GOLGA3: variants seen among roughly 807,000 people sequenced by gnomAD.
GOLGA3 encodes the protein golgin A3, also known as golgin subfamily A member 3.
In GOLGA3, 75 loss-of-function variants were observed where a neutral mutation model predicts 169.4. The ratio of observed to expected loss-of-function variants is 0.44; its 90% CI spans 0.37 to 0.54. The LOEUF (loss-of-function observed/expected upper bound fraction) is 0.54. Ranked by LOEUF, GOLGA3 falls within the 20% of genes least tolerant of loss-of-function variation. GOLGA3 has a pLI of 0.00. For missense variants in GOLGA3, 1,899 were observed against 1,930.0 expected (o/e 0.98, Z 0.30); for synonymous variants, 824 against 822.4 (o/e 1.00, Z -0.03).
chr12:132,800,565 G>C (rs546938087), intron 8 of GOLGA3, among the ~76,000 whole-genome samples: 2 of 152,246 alleles, frequency 1.3e-5, no homozygotes, highest in East Asian at 1.9e-4. Flanking sequence ...AGATGTAAAA[G>C]GAACATTTGG....
intron 18 of GOLGA3, 98 bp downstream of exon 18, chr12:132,780,700 A>ACT (rs2045550892): frequency 1.3e-6 from 1 of 776,228 alleles, no homozygotes; most frequent in South Asian, 1.5e-5. Context: ...GCTCTGTGTA[A>ACT]CTGCTGGAAG....
chr12:132,770,219 C>A lies in GOLGA3; in HGVS notation c.*2886G>T, dbSNP rs796346858. 7.6e-6 allele frequency: 1 copy of A among 131,290 alleles called. No homozygotes were observed. The highest frequency in any genetic ancestry group is 3.1e-5 in the African/African-American group (1 of 32,554). 8.1% of individuals were successfully genotyped at this position (131,290 alleles called of 1,614,324 possible). On this transcript the variant is annotated 3_prime_UTR_variant, in exon 24 of 24. Coordinates refer to ENST00000450791, the MANE Select transcript of GOLGA3 (RefSeq NM_001389683.1). ...CTGCACTCCAGCCTGGGCGACAGAGCGAGACTCTGTCTCAAAAAAAAAAAA... is the reference window on the plus strand; with the variant it reads ...CTGCACTCCAGCCTGGGCGACAGAGAGAGACTCTGTCTCAAAAAAAAAAAA...
intron 2 of GOLGA3, among the ~76,000 whole-genome samples, chr12:132,818,113 C>A (rs1435161355): frequency 1.4e-5 from 2 of 146,774 alleles, no homozygotes; most frequent in African/African-American, 5.3e-5. Context: ...CCCCCCTCCA[C>A]TCCTCCATGC....
chr12:132,807,145 G>A (rs536926498), intron 6 of GOLGA3, 32 bp downstream of exon 6: 202 of 1,336,300 alleles, frequency 1.5e-4, no homozygotes, highest in Middle Eastern at 1.1e-3. Context: ...CGACTTCGCC[G>A]CACGCTGAGA....
rs2045563503 is a variant in GOLGA3 at position 132,780,899 on chromosome 12, G to A, written c.3481C>T (p.Gln1161Ter). The A allele has an allele frequency of 6.2e-7, 1 of 1,610,828 alleles. No homozygotes were observed. The highest frequency in any genetic ancestry group is 1.1e-5 in the South Asian group (1 of 91,072). ...TGGCGATCCTCCTCTTCTTTGCGCT[G>A]CAAAACTGCCTGCACCTAGATCAGA... ...QLNLQVQAVL[Q>*]RKEEEDRQMK... The change falls in exon 18 of 24, where the codon CAG (glutamine) becomes TAG (stop). Residue 1161 changes from glutamine (Q) to a stop codon, truncating the protein, a stop_gained. Coordinates refer to ENST00000450791, the MANE Select transcript of GOLGA3 (RefSeq NM_001389683.1). LOFTEE classifies it high-confidence loss of function.
chr12:132,825,023 C>A (rs547266363), intron 1 of GOLGA3, among the ~76,000 whole-genome samples: 1 of 152,182 alleles, frequency 6.6e-6, no homozygotes, highest in Non-Finnish European at 1.5e-5. Context: ...CAAACTGGCA[C>A]GGAGGACTAC....
intron 17 of GOLGA3, among the ~76,000 whole-genome samples, chr12:132,781,418 G>A (rs1432521097): frequency 6.6e-6 from 1 of 152,110 alleles, no homozygotes; most frequent in African/African-American, 2.4e-5. Flanking sequence ...AATTAGCTGG[G>A]CGCGGTGGTG....
At position 132,807,909 on chromosome 12, in the gene GOLGA3, C is replaced by T; in HGVS notation, c.1160G>A (p.Arg387Lys). The T allele has an allele frequency of 1.3e-6, 2 of 1,515,994 alleles. No individual in the cohort carries two copies. Among genetic ancestry groups the T allele is most frequent in the South Asian group, 2.2e-5 (2 of 89,594 alleles). 93.9% of individuals were successfully genotyped at this position (1,515,994 alleles called of 1,614,324 possible). Residue 387 changes from arginine (R) to lysine (K), a missense_variant, in exon 5 of 24, where the codon AGA becomes AAA. Arg to Lys is a conservative substitution (Grantham distance 26, BLOSUM62 2). Coordinates refer to ENST00000450791, the MANE Select transcript of GOLGA3 (RefSeq NM_001389683.1). ...QEVNGEVRSR[R>K]DSICSSVSLE... Reference sequence around the variant, plus strand: ...CCACCACCTGCTGCAGATGCTGTCTCTCCGACTCCGCACCTCCCCGTTGAC... The same window carrying T: ...CCACCACCTGCTGCAGATGCTGTCTTTCCGACTCCGCACCTCCCCGTTGAC...
chr12:132,778,259 AGAGT>A (rs1411180672), intron 18 of GOLGA3, among the ~76,000 whole-genome samples: 1 of 151,954 alleles, frequency 6.6e-6, no homozygotes. Context: ...CTGGGGTGAC[AGAGT>A]GAGACCCGGT....
In GOLGA3 at chr12:132,796,720, T is replaced by A; in HGVS notation, c.1939-20A>T. 3 of 1,611,332 alleles carry A rather than the reference T, an allele frequency of 1.9e-6. No individual in the cohort carries two copies. Among genetic ancestry groups the A allele is most frequent in the Non-Finnish European group, 2.5e-6 (3 of 1,179,248 alleles). On this transcript the variant is annotated intron_variant, in intron 9 of 23. Transcript: ENST00000450791. ...GTCAGCCTGAGCCCAGGAAACTTGT[T>A]TTTAAAAAGGCAGGAAACCTTAATA...
Position 132,795,909 on chromosome 12 carries a change from C to A in GOLGA3, c.2412G>T (p.Glu804Asp). 1 of 1,614,140 alleles carries A rather than the reference C, an allele frequency of 6.2e-7. No homozygotes were observed. The highest frequency in any genetic ancestry group is 8.5e-7 in the Non-Finnish European group (1 of 1,180,016). Residue 804 changes from glutamate (E) to aspartate (D), a missense_variant, in exon 11 of 24, where the codon GAG becomes GAT. Physicochemically the swap from Glu to Asp is conservative, Grantham distance 45 (BLOSUM62 2). Coordinates refer to ENST00000450791, the MANE Select transcript of GOLGA3 (RefSeq NM_001389683.1). Reference protein sequence around the residue: ...RGARRLEEGTEETSETLEKLR... With the variant: ...RGARRLEEGTDETSETLEKLR... The stretch of plus-strand genomic sequence containing the variant: ...ACTTCTCTAAAGTTTCCGACGTTTC[C>A]TCGGTACCTTCTTCCAAGCGTCTTG...
In GOLGA3 at chr12:132,813,316, C is replaced by T; in HGVS notation, c.510G>A (p.Gln170=). The stretch of plus-strand genomic sequence containing the variant: ...GGAGAGGGAGACTCACCCTCTCCTG[C>T]TGGCGCTTCACCCTGTACTGTTTGA... The part of the protein sequence containing the change: ...EQLKQYRVKR[Q]QERSSQPATK... Residue 170 remains glutamine, a synonymous_variant, in exon 4 of 24, where the codon CAG becomes CAA. Transcript: ENST00000450791. The T allele has an allele frequency of 6.2e-7, 1 of 1,608,828 alleles. No homozygotes were observed.
At chr12:132,803,868 T>G (rs948699766) in intron 7 of GOLGA3, among the ~76,000 whole-genome samples, 6 of 152,096 alleles carry the variant, frequency 3.9e-5, no homozygotes, top group African/African-American at 1.4e-4. Flanking sequence ...GCGGCCTCCC[T>G]GGGAGGACTC....
At chr12:132,783,003 C>A (rs1047776275) in intron 16 of GOLGA3, among the ~76,000 whole-genome samples, 5 of 152,156 alleles carry the variant, frequency 3.3e-5, no homozygotes, top group Non-Finnish European at 7.3e-5. Flanking sequence ...TGAGACCAGC[C>A]TAGCCAACAT....
intron 2 of GOLGA3, among the ~76,000 whole-genome samples, chr12:132,821,175 G>A (rs1343389162): frequency 1.3e-5 from 2 of 150,478 alleles, no homozygotes; most frequent in East Asian, 3.9e-4. Context: ...GGGATGCCAA[G>A]GTGGGCGGAT....
At chr12:132,812,684 C>G (rs868227295) in intron 4 of GOLGA3, among the ~76,000 whole-genome samples, 2 of 152,234 alleles carry the variant, frequency 1.3e-5, no homozygotes, top group Admixed American at 6.5e-5. Context: ...GAAGATGTGA[C>G]TGAATTGCTG....
intron 11 of GOLGA3, among the ~76,000 whole-genome samples, chr12:132,791,865 G>A (rs1593282846): frequency 7.2e-6 from 1 of 138,824 alleles, no homozygotes; most frequent in Non-Finnish European, 1.6e-5. Flanking sequence ...TACACTGAGG[G>A]CTCCAGAAGG....
Position 132,791,227 on chromosome 12 carries a change from G to A in GOLGA3, c.2536C>T (p.Leu846Phe), listed in dbSNP as rs201465563. ...KQMQKIKEQF[L>F]QQKVMVEAYR... ...CAACAGATTTTTACCTTTTGTTGGA[G>A]AAACTGTTCCTTTATTTTTTGCATT... Residue 846 changes from leucine (L) to phenylalanine (F), a missense_variant, in exon 12 of 24, where the codon CTC (leucine) becomes TTC (phenylalanine). Coordinates refer to ENST00000450791, the MANE Select transcript of GOLGA3 (RefSeq NM_001389683.1). 4.1e-5 allele frequency: 65 copies of A among 1,593,614 alleles called. No individual in the cohort carries two copies. Among genetic ancestry groups the A allele is most frequent in the Admixed American group, 6.7e-5 (4 of 59,868 alleles).
At chr12:132,813,925 C>T (rs1949834827) in intron 3 of GOLGA3, among the ~76,000 whole-genome samples, 1 of 151,828 alleles carries the variant, frequency 6.6e-6, no homozygotes. Context: ...GGGGTTTCAC[C>T]ATGTTAGTCA....
Sources: allele counts gnomAD v4.1 joint callset (sites outside exome capture counted in the v4.1 genomes callset), GRCh38; gene constraint gnomAD v4.1.1; transcripts MANE v1.5; gene names NCBI Gene and HGNC (gene_info 2026-07-23, HGNC 2026-07-21).